The following XIRP2 variants were observed in gnomAD, a reference collection of about 807,000 sequenced individuals.
The protein encoded by XIRP2 is xin actin binding repeat containing 2, also known as xin actin-binding repeat-containing protein 2.
In XIRP2, 236 loss-of-function variants were observed where a neutral mutation model predicts 277.0. The observed-to-expected ratio is 0.85, with a 90% CI of 0.77 to 0.95. The LOEUF is 0.95. Ranked by LOEUF, XIRP2 falls within the 40% of genes least tolerant of loss-of-function variation. The pLI is 0.00. For missense variants in XIRP2, 4,640 were observed against 4,157.5 expected (o/e 1.12, Z -3.19); for synonymous variants, 1,490 against 1,416.5 (o/e 1.05, Z -1.17).
At chr2:167,183,094 G>A (rs993314010) in intron 3 of XIRP2, among the ~76,000 whole-genome samples, 1 of 152,134 alleles carries the variant, frequency 6.6e-6, no homozygotes, top group African/African-American at 2.4e-5. Flanking sequence ...ATTCCTAAGT[G>A]GACCTAATGT....
At chr2:167,197,680 G>GCCACT (rs908870586) in intron 3 of XIRP2, among the ~76,000 whole-genome samples, 1 of 151,982 alleles carries the variant, frequency 6.6e-6, no homozygotes, top group African/African-American at 2.4e-5. Flanking sequence ...GCCACTGTGT[G>GCCACT]GTGACCAGCC....
At chr2:167,085,461 G>T (rs921605017) in intron 2 of XIRP2, among the ~76,000 whole-genome samples, 68 of 151,622 alleles carry the variant, frequency 4.5e-4, no homozygotes, top group African/African-American at 1.6e-3. Flanking sequence ...TATTAGGTCT[G>T]CTTGGTGCAG....
chr2:166,984,407 T>TA (rs1558938301), intron 2 of XIRP2, among the ~76,000 whole-genome samples: 2 of 152,176 alleles, frequency 1.3e-5, no homozygotes, highest in Non-Finnish European at 2.9e-5. Context: ...AGTCATGTGA[T>TA]AAAATCAGTT....
intron 2 of XIRP2, among the ~76,000 whole-genome samples, chr2:167,071,038 C>T (rs559744880): frequency 6.6e-6 from 1 of 152,254 alleles, no homozygotes; most frequent in East Asian, 1.9e-4. Flanking sequence ...TTCCCAATAG[C>T]AAACCTCTAG....
chr2:166,907,621 T>G (rs1313110300), intron 2 of XIRP2, among the ~76,000 whole-genome samples: 1 of 151,988 alleles, frequency 6.6e-6, no homozygotes, highest in Non-Finnish European at 1.5e-5. Context: ...AGTTTTTTTT[T>G]TTTTTTTAAT....
intron 5 of XIRP2, among the ~76,000 whole-genome samples, chr2:167,225,591 C>T (rs1479409095): frequency 6.6e-6 from 1 of 152,014 alleles, no homozygotes; most frequent in Non-Finnish European, 1.5e-5. Flanking sequence ...ATCACATAGA[C>T]CTTTCTGCAG....
At chr2:167,027,981 G>C (rs1688221749) in intron 2 of XIRP2, among the ~76,000 whole-genome samples, 1 of 151,998 alleles carries the variant, frequency 6.6e-6, no homozygotes, top group African/African-American at 2.4e-5. Context: ...ACACACTGCA[G>C]GAGGAAAACA....
At chr2:167,105,122 A>T (rs1167712628) in intron 2 of XIRP2, among the ~76,000 whole-genome samples, 3 of 151,992 alleles carry the variant, frequency 2.0e-5, no homozygotes, top group African/African-American at 7.2e-5. Context: ...ATAATTGTAG[A>T]TCCACACAGA....
At chr2:167,090,931 A>C (rs1411522288) in intron 2 of XIRP2, among the ~76,000 whole-genome samples, 1 of 152,112 alleles carries the variant, frequency 6.6e-6, no homozygotes, top group African/African-American at 2.4e-5. Flanking sequence ...TTTTAACATG[A>C]GCTTTGGTGA....
intron 2 of XIRP2, among the ~76,000 whole-genome samples, chr2:167,063,939 T>C (rs564491633): frequency 6.6e-6 from 1 of 151,580 alleles, no homozygotes; most frequent in South Asian, 2.1e-4. Context: ...TCTATATTAG[T>C]ATAATATCTA....
At chr2:167,012,587 A>C (rs1247270824) in intron 2 of XIRP2, among the ~76,000 whole-genome samples, 11 of 151,634 alleles carry the variant, frequency 7.3e-5, no homozygotes, top group African/African-American at 2.7e-4. Context: ...GTTTCCCATC[A>C]TTATGACATA....
intron 3 of XIRP2, among the ~76,000 whole-genome samples, chr2:167,192,795 A>G (rs1395438292): frequency 6.6e-6 from 1 of 152,188 alleles, no homozygotes. Flanking sequence ...AAATAGGACA[A>G]GGGAGGCACT....
chr2:167,210,589 T>C, intron 3 of XIRP2, 146 bp from the exon 4 acceptor site: 2 of 1,143,022 alleles, frequency 1.7e-6, no homozygotes, highest in East Asian at 4.8e-5. Flanking sequence ...TTGAAGGAGA[T>C]GACCATGAGA....
At chr2:167,033,092 C>T (rs950870768) in intron 2 of XIRP2, among the ~76,000 whole-genome samples, 1 of 152,084 alleles carries the variant, frequency 6.6e-6, no homozygotes, top group African/African-American at 2.4e-5. Context: ...GACACATATA[C>T]ACGATGGAAT....
chr2:167,255,956 A>G (rs1471913066), intron 10 of XIRP2, among the ~76,000 whole-genome samples: 1 of 151,870 alleles, frequency 6.6e-6, no homozygotes, highest in Non-Finnish European at 1.5e-5. Context: ...CTTCTGGCAT[A>G]AAGTGTTGGA....
chr2:167,015,800 T>A (rs925671169), intron 2 of XIRP2, among the ~76,000 whole-genome samples: 7 of 151,898 alleles, frequency 4.6e-5, no homozygotes, highest in Non-Finnish European at 1.0e-4. Context: ...TTGGTATAAT[T>A]TGTTCCTTTC....
chr2:167,116,583 C>T (rs968477944), intron 2 of XIRP2, among the ~76,000 whole-genome samples: 2 of 152,190 alleles, frequency 1.3e-5, no homozygotes, highest in Admixed American at 1.3e-4. Flanking sequence ...AACTTTTCCA[C>T]ATTCCCTTAC....
chr2:166,910,441 G>T (rs1684667834), intron 2 of XIRP2, among the ~76,000 whole-genome samples: 1 of 152,106 alleles, frequency 6.6e-6, no homozygotes, highest in African/African-American at 2.4e-5. Flanking sequence ...TTGTATTTCT[G>T]TGGGATCGGT....
At chr2:167,098,523 C>T (rs1235857678) in intron 2 of XIRP2, among the ~76,000 whole-genome samples, 1 of 152,204 alleles carries the variant, frequency 6.6e-6, no homozygotes, top group African/African-American at 2.4e-5. Context: ...TTATTACCCA[C>T]CTTCTGAAGC....
Sources: allele counts gnomAD v4.1 joint callset (sites outside exome capture counted in the v4.1 genomes callset), GRCh38; gene constraint gnomAD v4.1.1; transcripts MANE v1.5; gene names NCBI Gene and HGNC (gene_info 2026-07-23, HGNC 2026-07-21).